Variants in FAF1 observed in about 807,000 individuals in gnomAD.
FAF1 encodes Fas associated factor 1.
In FAF1, 25 loss-of-function variants were observed where a neutral mutation model predicts 92.5. The observed-to-expected ratio is 0.27, with a 90% CI of 0.20 to 0.38. The LOEUF is 0.38. Ranked by LOEUF, FAF1 falls within the 10% of genes least tolerant of loss-of-function variation. The probability of loss-of-function intolerance (pLI) is 1.00; values close to 1 mark genes in which losing one functional copy is unlikely to be tolerated. For synonymous variants in FAF1, 234 were observed against 273.2 expected, an observed-to-expected ratio of 0.86 and a Z score of 1.42; for missense variants, 636 against 793.3, an observed-to-expected ratio of 0.80 and a Z score of 2.38.
At chr1:50,881,267 G>C (rs549367154) in intron 1 of FAF1, among the ~76,000 whole-genome samples, 1 of 152,264 alleles carries the variant, frequency 6.6e-6, no homozygotes, top group African/African-American at 2.4e-5. Context: ...AAATTCACTA[G>C]GTGGTTGTGA....
chr1:50,635,887 C>T (rs1653986407), intron 8 of FAF1, among the ~76,000 whole-genome samples: 1 of 152,176 alleles, frequency 6.6e-6, no homozygotes, highest in African/African-American at 2.4e-5. Flanking sequence ...TTTGGAAAGC[C>T]ATCCATGCCT....
chr1:50,870,728 G>C (rs1644521016), intron 1 of FAF1, among the ~76,000 whole-genome samples: 1 of 152,148 alleles, frequency 6.6e-6, no homozygotes. Flanking sequence ...TGTCCTCACT[G>C]CTCTGCTGAC....
In FAF1 at chr1:50,788,209, A is replaced by C; in HGVS notation, c.162-4T>G. The C allele has an allele frequency of 1.9e-6, 3 of 1,610,840 alleles. No individual in the cohort carries two copies. The South Asian group carries it at 3.3e-5, about 18-fold the overall frequency. On this transcript the variant is annotated splice_polypyrimidine_tract_variant and splice_region_variant and intron_variant, in intron 3 of 18. Transcript: ENST00000396153. ...TATGGTCTCACCTCCATATTCACTA[A>C]AATGTTGACATAAAAGAAGGATTAT...
At chr1:50,919,352 C>CT (rs1169926155) in intron 1 of FAF1, among the ~76,000 whole-genome samples, 5 of 151,682 alleles carry the variant, frequency 3.3e-5, no homozygotes, top group African/African-American at 7.3e-5. Flanking sequence ...AAATGTAAGA[C>CT]TTTTTTTATT....
chr1:50,661,086 G>C (rs1400429291), intron 7 of FAF1, among the ~76,000 whole-genome samples: 1 of 151,976 alleles, frequency 6.6e-6, no homozygotes, highest in African/African-American at 2.4e-5. Flanking sequence ...AAAGAAAAAT[G>C]GCAAATAATT....
chr1:50,733,712 C>T (rs531264943), intron 6 of FAF1, among the ~76,000 whole-genome samples: 6 of 152,352 alleles, frequency 3.9e-5, no homozygotes, highest in Non-Finnish European at 8.8e-5. Flanking sequence ...CTGGAACCTT[C>T]ATCTTGGAGA....
At chr1:50,802,164 C>A (rs886588713) in intron 2 of FAF1, among the ~76,000 whole-genome samples, 2 of 151,874 alleles carry the variant, frequency 1.3e-5, no homozygotes, top group African/African-American at 2.4e-5. Context: ...AATCTCAACT[C>A]ACCACAACCT....
chr1:50,554,957 C>G (rs1027373811), intron 13 of FAF1, among the ~76,000 whole-genome samples: 21 of 152,072 alleles, frequency 1.4e-4, no homozygotes, highest in African/African-American at 5.1e-4. Flanking sequence ...ATCTGTCTGT[C>G]TGCACAAACA....
At chr1:50,526,912 T>C (rs578020807) in intron 15 of FAF1, among the ~76,000 whole-genome samples, 2 of 151,786 alleles carry the variant, frequency 1.3e-5, no homozygotes, top group South Asian at 4.2e-4. Flanking sequence ...TGGAGTGTAG[T>C]GGCGTGATCT....
intron 4 of FAF1, among the ~76,000 whole-genome samples, chr1:50,753,653 TG>T (rs1193180770): frequency 3.9e-5 from 6 of 152,210 alleles, no homozygotes; most frequent in Non-Finnish European, 7.3e-5. Flanking sequence ...GTTGTTCAAC[TG>T]GGTCATTTCT....
chr1:50,485,579 T>C (rs1646754999), intron 17 of FAF1, among the ~76,000 whole-genome samples: 1 of 146,370 alleles, frequency 6.8e-6, no homozygotes. Context: ...GGGGAATCAC[T>C]TGAACCCAGG....
At chr1:50,726,043 A>T (rs1391266957) in intron 6 of FAF1, among the ~76,000 whole-genome samples, 1 of 152,058 alleles carries the variant, frequency 6.6e-6, no homozygotes, top group Non-Finnish European at 1.5e-5. Flanking sequence ...TCACTAGGTC[A>T]AGAGTTCGAG....
At chr1:50,475,434 A>ATACTTCC (rs753316593) in intron 18 of FAF1, 30 bp downstream of exon 18, 1 of 1,544,492 alleles carries the variant, frequency 6.5e-7, no homozygotes, top group Non-Finnish European at 8.9e-7. Context: ...CCACCTGGAT[A>ATACTTCC]TACTTCCTGA....
At chr1:50,864,612 G>T (rs1644464481) in intron 1 of FAF1, among the ~76,000 whole-genome samples, 1 of 151,066 alleles carries the variant, frequency 6.6e-6, no homozygotes. Flanking sequence ...TTTAATAAAT[G>T]GTGCTGGGAA....
chr1:50,944,829 A>T (rs1050106223), intron 1 of FAF1, among the ~76,000 whole-genome samples: 2 of 152,230 alleles, frequency 1.3e-5, no homozygotes, highest in African/African-American at 4.8e-5. Context: ...GGTAAAAAGA[A>T]ACATCATGCC....
chr1:50,827,743 T>C (rs1264682412), intron 2 of FAF1, among the ~76,000 whole-genome samples: 1 of 151,984 alleles, frequency 6.6e-6, no homozygotes, highest in Non-Finnish European at 1.5e-5. Flanking sequence ...GTAAATAAAA[T>C]ATCTGAATAA....
At chr1:50,810,047 G>C (rs1662357635) in intron 2 of FAF1, among the ~76,000 whole-genome samples, 1 of 152,140 alleles carries the variant, frequency 6.6e-6, no homozygotes, top group South Asian at 2.1e-4. Flanking sequence ...CATGAGGTCA[G>C]CAGTTCGAGA....
At chr1:50,554,657 T>C (rs1000883013) in intron 13 of FAF1, among the ~76,000 whole-genome samples, 2 of 152,082 alleles carry the variant, frequency 1.3e-5, no homozygotes, top group African/African-American at 2.4e-5. Flanking sequence ...TATTACAAAC[T>C]GGAAAGGGTA....
intron 1 of FAF1, among the ~76,000 whole-genome samples, chr1:50,915,699 T>G (rs376899185): frequency 1.7e-4 from 26 of 152,150 alleles, no homozygotes; most frequent in African/African-American, 5.5e-4. Flanking sequence ...GCAACTAACC[T>G]TCCTCTTAAC....
Sources: gnomAD v4.1 joint callset for allele counts (sites outside exome capture counted in the v4.1 genomes callset) on GRCh38, gnomAD v4.1.1 for gene constraint, MANE v1.5 for transcripts, NCBI Gene and HGNC (gene_info 2026-07-23, HGNC 2026-07-21) for gene names.